PAAF1: variants seen among roughly 807,000 people sequenced by gnomAD.
PAAF1 encodes the protein proteasomal ATPase-associated factor 1.
Under a neutral mutation model 52.8 loss-of-function variants are expected in PAAF1, and 46 were observed. That is an observed-to-expected ratio of 0.87 (90% CI 0.69 to 1.11). The LOEUF is 1.11. Among genes scored for constraint, PAAF1 ranks in the 50% most tolerant of loss-of-function variants. The pLI, the probability that PAAF1 is intolerant of heterozygous loss-of-function variation, is 0.00. For synonymous variants in PAAF1, 178 were observed against 172.8 expected (o/e 1.03, Z -0.24); for missense variants, 424 against 477.4 (o/e 0.89, Z 1.04).
Position 73,887,592 on chromosome 11 carries a change from G to A in PAAF1, c.192+135G>A, listed in dbSNP as rs1949095964. The A allele has an allele frequency of 7.5e-6, 4 of 533,510 alleles. No individual in the cohort carries two copies. The South Asian group carries it at 1.3e-4, about 17-fold the overall frequency. 33.0% of individuals were successfully genotyped at this position (533,510 alleles called of 1,614,324 possible). On this transcript the variant is annotated intron_variant, in intron 3 of 11. Coordinates refer to ENST00000310571, the MANE Select transcript of PAAF1 (RefSeq NM_025155.3). ...GAGAATCATAGTTTTTGCTGTCTGT[G>A]AGTGTCATTGGTATTTTCTATTGTA...
chr11:73,917,111 C>T (rs937717800), intron 9 of PAAF1, among the ~76,000 whole-genome samples: 22 of 152,116 alleles, frequency 1.4e-4, no homozygotes, highest in African/African-American at 4.6e-4. Context: ...ACCTTTGCCT[C>T]CCGGGTTCAA....
rs1187648693 is a variant in PAAF1, at chr11:73,921,686, T to C, written c.1018+2654T>C. On this transcript the variant is annotated intron_variant, in intron 10 of 11. Transcript: ENST00000310571. ...GTCCAGGTCTTGAAAGACTCTAGCA[T>C]GAACTGTCTCTTCACAAAACAAGTC... The C allele has an allele frequency of 4.8e-6, 4 of 828,322 alleles. No homozygotes were observed. In the East Asian group the frequency reaches 8.7e-5, roughly 18 times the overall value. 51.3% of individuals were successfully genotyped at this position (828,322 alleles called of 1,614,324 possible). A position where few individuals can be genotyped will look rare whatever the true frequency, so the allele number is the denominator to read the frequency against.
chr11:73,928,317 C>T lies in PAAF1; in HGVS notation c.*955C>T, dbSNP rs917621845. The stretch of plus-strand genomic sequence containing the variant: ...CAAGATCGGTCTGTAGGAGATGAGG[C>T]CACAGAGGTTGGCAGAGCCCAAATA... On this transcript the variant is annotated 3_prime_UTR_variant, in exon 12 of 12. Transcript: ENST00000310571. The T allele has an allele frequency of 6.6e-6, 1 of 152,172 alleles. No homozygotes were observed. Among genetic ancestry groups the T allele is most frequent in the African/African-American group, 2.4e-5 (1 of 41,398 alleles). The allele number at this position is 152,172 out of a possible 1,614,324, so 9.4% of individuals were successfully genotyped here.
At chr11:73,920,808 C>T (rs181329118) in intron 10 of PAAF1, among the ~76,000 whole-genome samples, 134 of 147,818 alleles carry the variant, frequency 9.1e-4, no homozygotes, top group Non-Finnish European at 5.4e-4. Context: ...GCTGAGAGCA[C>T]GCCACTGCAC....
Position 73,900,312 on chromosome 11 carries a change from T to G in PAAF1, c.424T>G (p.Phe142Val), listed in dbSNP as rs2135175013. 6.2e-7 allele frequency: 1 copy of G among 1,611,914 alleles called. No homozygotes were observed. Among genetic ancestry groups the G allele is most frequent in the East Asian group, 2.2e-5 (1 of 44,858 alleles). The part of the protein sequence containing the change: ...GHVFDVNCCR[F>V]FPSGLVVLSG... Reference sequence around the variant, plus strand: ...TGTGTTTGATGTGAATTGTTGCAGGTTTTTCCCATCAGGCCTTGTGGTCCT... The same window carrying G: ...TGTGTTTGATGTGAATTGTTGCAGGGTTTTCCCATCAGGCCTTGTGGTCCT... Residue 142 changes from phenylalanine to valine, a missense_variant, in exon 6 of 12, where the codon TTT becomes GTT. Coordinates refer to ENST00000310571, the MANE Select transcript of PAAF1 (RefSeq NM_025155.3).
intron 2 of PAAF1, among the ~76,000 whole-genome samples, chr11:73,885,062 T>C (rs1280164217): frequency 1.3e-5 from 2 of 151,770 alleles, no homozygotes; most frequent in African/African-American, 4.8e-5. Flanking sequence ...GGTTTCACCG[T>C]TTTAGCCGGG....
At position 73,916,630 on chromosome 11, in the gene PAAF1, A is replaced by G. The variant is rs1340985863; in HGVS notation, c.905A>G (p.Asn302Ser). ...CTATTGGCTGGGACTCAAGATGGAA[A>G]CATTTATCAGCTGGATGTGAGGAGT... ...FLLLAGTQDG[N>S]IYQLDVRSPR... is the part of the protein sequence containing the mutation. The change falls in exon 9 of 12, where the codon AAC (asparagine) becomes AGC (serine). Residue 302 changes from asparagine (N) to serine (S), a missense_variant. By Grantham distance (46) the Asn-to-Ser change is conservative. Coordinates refer to ENST00000310571, the MANE Select transcript of PAAF1 (RefSeq NM_025155.3). The G allele has an allele frequency of 1.9e-6, 3 of 1,613,956 alleles. No individual in the cohort carries two copies. Among genetic ancestry groups the G allele is most frequent in the Admixed American group, 1.7e-5 (1 of 60,002 alleles).
intron 2 of PAAF1, among the ~76,000 whole-genome samples, chr11:73,881,715 G>A (rs1168484009): frequency 6.6e-6 from 1 of 152,056 alleles, no homozygotes; most frequent in Non-Finnish European, 1.5e-5. Context: ...TTGTTTGTTT[G>A]TTTGTTTTTG....
intron 6 of PAAF1, among the ~76,000 whole-genome samples, chr11:73,903,566 A>C (rs1241855187): frequency 6.6e-6 from 1 of 151,264 alleles, no homozygotes; most frequent in Admixed American, 6.6e-5. Context: ...AAAATACAAA[A>C]ATGAGCTGGG....
At chr11:73,916,489 A>C in intron 8 of PAAF1, 56 bp from the exon 9 acceptor site, 1 of 1,201,522 alleles carries the variant, frequency 8.3e-7, no homozygotes, top group Non-Finnish European at 1.2e-6. Flanking sequence ...GTGCCTGTTT[A>C]TTCTTGGAAA....
chr11:73,902,009 G>C (rs571927826), intron 6 of PAAF1, among the ~76,000 whole-genome samples: 1 of 151,564 alleles, frequency 6.6e-6, no homozygotes, highest in African/African-American at 2.4e-5. Flanking sequence ...GATCACAGGC[G>C]TGCACCACCA....
intron 6 of PAAF1, among the ~76,000 whole-genome samples, chr11:73,903,282 G>A (rs899437921): frequency 2.0e-5 from 3 of 152,172 alleles, no homozygotes; most frequent in South Asian, 2.1e-4. Flanking sequence ...CTTCCACAGC[G>A]TGGCAAAAAT....
At chr11:73,916,747 G>T in intron 9 of PAAF1, 87 bp downstream of exon 9, 1 of 808,674 alleles carries the variant, frequency 1.2e-6, no homozygotes, top group South Asian at 1.9e-5. Flanking sequence ...CTAGCATATA[G>T]ATAACTATTG....
chr11:73,913,609 G>C (rs1350922904), intron 7 of PAAF1, among the ~76,000 whole-genome samples: 2 of 151,454 alleles, frequency 1.3e-5, no homozygotes, highest in Non-Finnish European at 2.9e-5. Flanking sequence ...GAATCCTTGA[G>C]AGTGAGGACC....
intron 4 of PAAF1, among the ~76,000 whole-genome samples, chr11:73,894,981 C>A (rs1949304801): frequency 6.6e-6 from 1 of 152,186 alleles, no homozygotes; most frequent in Non-Finnish European, 1.5e-5. Flanking sequence ...GAGACCATGT[C>A]TCAAAAACAA....
chr11:73,890,285 G>A (rs1054851278), intron 3 of PAAF1, among the ~76,000 whole-genome samples: 8 of 152,062 alleles, frequency 5.3e-5, no homozygotes, highest in Admixed American at 3.3e-4. Context: ...ACCTCTACAC[G>A]TGCTACCTTC....
chr11:73,922,527 T>C (rs887325588), intron 10 of PAAF1, among the ~76,000 whole-genome samples: 1 of 151,992 alleles, frequency 6.6e-6, no homozygotes, highest in Non-Finnish European at 1.5e-5. Context: ...GGTTTAGAAG[T>C]TGGATATAGG....
At chr11:73,889,591 A>T (rs1317010728) in intron 3 of PAAF1, among the ~76,000 whole-genome samples, 1 of 152,210 alleles carries the variant, frequency 6.6e-6, no homozygotes, top group African/African-American at 2.4e-5. Flanking sequence ...GCAAAGTAGG[A>T]GAAAAGTACT....
intron 5 of PAAF1, 70 bp downstream of exon 5, chr11:73,899,314 T>TTCTTCCTTCCATGTCCCA: frequency 8.6e-7 from 1 of 1,161,484 alleles, no homozygotes; most frequent in Non-Finnish European, 1.3e-6. Context: ...GACTGGGACA[T>TTCTTCCTTCCATGTCCCA]GGAAGGAAGA....
Sources: gnomAD v4.1 joint callset for allele counts (sites outside exome capture counted in the v4.1 genomes callset) on GRCh38, gnomAD v4.1.1 for gene constraint, MANE v1.5 for transcripts, NCBI Gene and HGNC (gene_info 2026-07-23, HGNC 2026-07-21) for gene names.